The following PDE4D variants were observed in gnomAD, a reference collection of about 807,000 sequenced individuals.
PDE4D encodes the protein phosphodiesterase 4D.
PDE4D carries 24 observed loss-of-function variants against 87.4 expected under a neutral mutation model. That is an observed-to-expected ratio of 0.27 (90% confidence interval 0.20 to 0.39). The LOEUF is 0.39. Ranked by LOEUF, PDE4D falls within the 10% of genes least tolerant of loss-of-function variation. PDE4D has a pLI of 1.00. For synonymous variants in PDE4D, 384 were observed against 383.2 expected, an observed-to-expected ratio of 1.00 and a Z score of -0.02; for missense variants, 714 against 1,041.0, an observed-to-expected ratio of 0.69 and a Z score of 4.32.
chr5:60,458,056 T>G (rs1037920354), intron 1 of PDE4D, among the ~76,000 whole-genome samples: 3 of 152,168 alleles, frequency 2.0e-5, no homozygotes, highest in African/African-American at 7.2e-5. Flanking sequence ...AAATTACCAC[T>G]TTTCTAGTGT....
At chr5:60,038,371 T>G (rs1768056575) in intron 2 of PDE4D, among the ~76,000 whole-genome samples, 2 of 152,304 alleles carry the variant, frequency 1.3e-5, no homozygotes, top group South Asian at 4.1e-4. Context: ...GCACCATTTA[T>G]TAAATAGGGA....
chr5:59,529,221 A>G, intron 1 of PDE4D: 1 of 488,328 alleles, frequency 2.0e-6, no homozygotes, highest in Non-Finnish European at 4.1e-6. Context: ...TCCAGGAAGG[A>G]AAATTGGATG....
intron 1 of PDE4D, among the ~76,000 whole-genome samples, chr5:59,624,403 A>T (rs1438381629): frequency 1.3e-5 from 2 of 151,028 alleles, no homozygotes; most frequent in East Asian, 3.9e-4. Flanking sequence ...CGAATTTGTC[A>T]TTTTTTTTTC....
chr5:59,570,563 A>G (rs1821657524), intron 1 of PDE4D, among the ~76,000 whole-genome samples: 1 of 152,160 alleles, frequency 6.6e-6, no homozygotes, highest in African/African-American at 2.4e-5. Context: ...GATCCGTGTA[A>G]GTCAGCTATA....
At position 59,813,242 on chromosome 5, in the gene PDE4D, C is replaced by G. The variant is rs2152681026; in HGVS notation, c.455+79926G>C. Among the ~76,000 whole-genome samples, 2 of 152,290 alleles carry G rather than the reference C, an allele frequency of 1.3e-5. 1 individual carries two copies. Among genetic ancestry groups the G allele is most frequent in the South Asian group, 4.1e-4 (2 of 4,822 alleles). ...TAACCAAGTCAAGTTTACATTGGCT[C>G]AAGCCTCTCCTACATGAATGCCACC... On this transcript the variant is annotated intron_variant, in intron 1 of 14. Coordinates refer to ENST00000340635, the MANE Select transcript of PDE4D (RefSeq NM_001104631.2).
chr5:60,189,606 G>A (rs1483722138), intron 1 of PDE4D, among the ~76,000 whole-genome samples: 1 of 152,144 alleles, frequency 6.6e-6, no homozygotes, highest in Non-Finnish European at 1.5e-5. Context: ...TGAGTGAAAA[G>A]GGATTCCAAT....
intron 1 of PDE4D, among the ~76,000 whole-genome samples, chr5:60,200,551 C>A (rs887258191): frequency 1.2e-4 from 19 of 152,226 alleles, no homozygotes; most frequent in Non-Finnish European, 1.9e-4. Flanking sequence ...GAAATAAAAG[C>A]CACATTCTTT....
intron 1 of PDE4D, among the ~76,000 whole-genome samples, chr5:59,410,353 T>G (rs945069745): frequency 6.6e-6 from 1 of 152,144 alleles, no homozygotes; most frequent in African/African-American, 2.4e-5. Context: ...TTCAAGTGAT[T>G]CTTGTGCCTC....
At position 59,864,631 on chromosome 5, in the gene PDE4D, G is replaced by A. The variant is rs1746751865; in HGVS notation, c.455+28537C>T. 2.0e-5 allele frequency among the ~76,000 whole-genome samples: 3 copies of A among 152,286 alleles called. No homozygotes were observed. In the South Asian group the frequency reaches 6.2e-4, roughly 32 times the overall value. ...CCTGACGTGTGCCTATGAATAGTTA[G>A]GGAAGATTGCCCTCTGAGTTTGAAT... On this transcript the variant is annotated intron_variant, in intron 1 of 14. Transcript: ENST00000340635.
intron 1 of PDE4D, among the ~76,000 whole-genome samples, chr5:59,424,417 T>C (rs921637461): frequency 6.6e-6 from 1 of 152,162 alleles, no homozygotes; most frequent in African/African-American, 2.4e-5. Context: ...TCTGTTCTCA[T>C]GCTGCTATGA....
intron 1 of PDE4D, among the ~76,000 whole-genome samples, chr5:59,252,836 CT>C (rs1161753024): frequency 6.6e-6 from 1 of 152,050 alleles, no homozygotes; most frequent in Admixed American, 6.6e-5. Context: ...CAGCCATCAT[CT>C]AGATTTTAAA....
intron 1 of PDE4D, among the ~76,000 whole-genome samples, chr5:59,259,345 C>A (rs558910184): frequency 6.6e-6 from 1 of 151,836 alleles, no homozygotes; most frequent in Admixed American, 6.6e-5. Flanking sequence ...TCAGAATCCA[C>A]CCCCATCTCT....
chr5:59,337,107 CAA>C (rs1484204406), intron 1 of PDE4D, among the ~76,000 whole-genome samples: 2 of 152,082 alleles, frequency 1.3e-5, no homozygotes, highest in East Asian at 1.9e-4. Flanking sequence ...GGAGAGAACA[CAA>C]AAAGAGGAGA....
At chr5:59,673,764 C>T (rs1291974828) in intron 1 of PDE4D, among the ~76,000 whole-genome samples, 2 of 152,110 alleles carry the variant, frequency 1.3e-5, no homozygotes, top group Admixed American at 1.3e-4. Context: ...AGAAACTTTA[C>T]CTAGTTATTT....
At chr5:59,606,693 C>A (rs900535147) in intron 1 of PDE4D, among the ~76,000 whole-genome samples, 1 of 152,068 alleles carries the variant, frequency 6.6e-6, no homozygotes, top group African/African-American at 2.4e-5. Context: ...ACATAACCTT[C>A]GTAAGTAGTA....
At chr5:59,454,787 C>T (rs1208208449) in intron 1 of PDE4D, among the ~76,000 whole-genome samples, 1 of 152,140 alleles carries the variant, frequency 6.6e-6, no homozygotes, top group African/African-American at 2.4e-5. Context: ...GTGATATGAA[C>T]AATAAGGTCC....
intron 6 of PDE4D, among the ~76,000 whole-genome samples, chr5:59,032,052 C>T (rs956237669): frequency 2.6e-5 from 4 of 151,984 alleles, no homozygotes; most frequent in Non-Finnish European, 4.4e-5. Flanking sequence ...TAATTAATAA[C>T]GTATTATATG....
At chr5:60,326,071 A>T (rs1239164904) in intron 1 of PDE4D, among the ~76,000 whole-genome samples, 1 of 152,134 alleles carries the variant, frequency 6.6e-6, no homozygotes. Flanking sequence ...CACCCACTGA[A>T]GGACATCTGT....
chr5:59,893,827 C>T (rs1751341102), upstream of PDE4D: 1 of 1,323,690 alleles, frequency 7.6e-7, no homozygotes, highest in East Asian at 3.2e-5. Context: ...CAGAACGCGG[C>T]AGGGCTCCTT....
Sources: allele counts gnomAD v4.1 joint callset (sites outside exome capture counted in the v4.1 genomes callset), GRCh38; gene constraint gnomAD v4.1.1; transcripts MANE v1.5; gene names NCBI Gene and HGNC (gene_info 2026-07-23, HGNC 2026-07-21).